Variants in DDI2 observed in about 807,000 individuals in gnomAD.
DDI2 encodes protein DDI1 homolog 2.
A neutral mutation model predicts 48.1 loss-of-function variants in DDI2; 5 were observed. The observed-to-expected ratio is 0.10, with a 90% confidence interval of 0.05 to 0.22. DDI2 has a LOEUF of 0.22. Among genes scored for constraint, DDI2 ranks in the 10% least tolerant of loss-of-function variants. DDI2 has a pLI of 1.00. For missense variants in DDI2, 285 were observed against 506.2 expected, an observed-to-expected ratio of 0.56 and a Z score of 4.19; for synonymous variants, 205 against 183.6, an observed-to-expected ratio of 1.12 and a Z score of -0.94.
chr1:15,627,224 G>A (rs1208978034), intron 2 of DDI2, among the ~76,000 whole-genome samples: 2 of 152,190 alleles, frequency 1.3e-5, no homozygotes, highest in African/African-American at 4.8e-5. Flanking sequence ...GGCACTTGGA[G>A]CTGCATTTCA....
chr1:15,652,822 CA>C (rs112813737), intron 8 of DDI2, among the ~76,000 whole-genome samples: 47,893 of 148,538 alleles, frequency 0.32, 8,558 homozygotes, highest in African/African-American at 0.46. Flanking sequence ...GACTCCATCT[CA>C]AAAAAAAATA....
At chr1:15,656,460 A>C (rs1640275040) in intron 8 of DDI2, 157 bp from the exon 9 acceptor site, 1 of 1,521,316 alleles carries the variant, frequency 6.6e-7, no homozygotes. Context: ...GCAACCAACA[A>C]ATATTTTGGA....
At chr1:15,638,809 T>A (rs1203568404) in intron 5 of DDI2, among the ~76,000 whole-genome samples, 2 of 152,156 alleles carry the variant, frequency 1.3e-5, no homozygotes, top group African/African-American at 4.8e-5. Flanking sequence ...TGTAGTTCTT[T>A]AGGCTGCTAA....
In DDI2 at chr1:15,665,303, G is replaced by A. The variant is rs1323171613; in HGVS notation, c.*5513G>A. 1.3e-5 allele frequency: 2 copies of A among 151,726 alleles called. No individual in the cohort carries two copies. The highest frequency in any genetic ancestry group is 4.9e-5 in the African/African-American group (2 of 40,874). 9.4% of individuals were successfully genotyped at this position (151,726 alleles called of 1,614,324 possible). A position where few individuals can be genotyped will look rare whatever the true frequency, so the allele number is the denominator to read the frequency against. ...AAAGGTAACCAGTTGCTTGGCAAAGGAAGCTGGAGAGATGGCGAGTGCATG... is the reference window on the plus strand; with the variant it reads ...AAAGGTAACCAGTTGCTTGGCAAAGAAAGCTGGAGAGATGGCGAGTGCATG... On this transcript the variant is annotated 3_prime_UTR_variant, in exon 10 of 10. Coordinates refer to ENST00000480945, the MANE Select transcript of DDI2 (RefSeq NM_032341.5).
intron 3 of DDI2, among the ~76,000 whole-genome samples, chr1:15,631,729 A>C (rs1220099750): frequency 5.9e-5 from 9 of 151,870 alleles, no homozygotes; most frequent in Admixed American, 5.9e-4. Context: ...TGTTTTGATA[A>C]TCTTATGGTT....
chr1:15,624,125 A>G (rs1639715472), intron 1 of DDI2, among the ~76,000 whole-genome samples: 1 of 152,228 alleles, frequency 6.6e-6, no homozygotes, highest in South Asian at 2.1e-4. Flanking sequence ...ATCTCTAAAT[A>G]TACTGATAGT....
chr1:15,633,091 A>G (rs1308773555), intron 3 of DDI2, among the ~76,000 whole-genome samples: 1 of 151,520 alleles, frequency 6.6e-6, no homozygotes, highest in Non-Finnish European at 1.5e-5. Flanking sequence ...ACCACGCCCA[A>G]CTAATTTTTA....
At chr1:15,619,508 C>T (rs1018340573) in intron 1 of DDI2, among the ~76,000 whole-genome samples, 7 of 150,126 alleles carry the variant, frequency 4.7e-5, no homozygotes, top group African/African-American at 1.7e-4. Flanking sequence ...GTCGCCTAGG[C>T]TGGAGTGCAG....
At position 15,656,653 on chromosome 1, in the gene DDI2, C is replaced by G; in HGVS notation, c.*20C>G. The G allele has an allele frequency of 6.2e-7, 1 of 1,614,158 alleles. No individual in the cohort carries two copies. Among genetic ancestry groups the G allele is most frequent in the Non-Finnish European group, 8.5e-7 (1 of 1,180,010 alleles). ...CCATGATGCATGTAGTGTGTGTGTA[C>G]TGCAGCTGGAGTGGGCCCCAGACCA... On this transcript the variant is annotated 3_prime_UTR_variant, in exon 9 of 10. Transcript: ENST00000480945.
chr1:15,622,131 T>C (rs974600392), intron 1 of DDI2, among the ~76,000 whole-genome samples: 3 of 151,966 alleles, frequency 2.0e-5, no homozygotes, highest in African/African-American at 7.3e-5. Flanking sequence ...TGGAATGCAG[T>C]GTTGCAATCA....
rs1361576378 is a variant in DDI2 at position 15,661,232 on chromosome 1, C to T, written c.*1442C>T. ...AGGAGTCTAGGTGATGGCCTGTCAA[C>T]CGATAAGGAAGGTGTCCCCAAATCT... On this transcript the variant is annotated 3_prime_UTR_variant, in exon 10 of 10. Coordinates refer to ENST00000480945, the MANE Select transcript of DDI2 (RefSeq NM_032341.5). The T allele has an allele frequency of 1.2e-6, 2 of 1,614,104 alleles. No individual in the cohort carries two copies. Among genetic ancestry groups the T allele is most frequent in the Admixed American group, 3.3e-5 (2 of 60,014 alleles).
At chr1:15,657,548 C>T (rs895549090) in intron 9 of DDI2, among the ~76,000 whole-genome samples, 24 of 152,204 alleles carry the variant, frequency 1.6e-4, no homozygotes, top group Admixed American at 1.4e-3. Context: ...GCTAGTGAAA[C>T]TGACCTTCTC....
At chr1:15,630,230 T>C in intron 2 of DDI2, 95 bp from the exon 3 acceptor site, 1 of 1,120,082 alleles carries the variant, frequency 8.9e-7, no homozygotes, top group Non-Finnish European at 1.3e-6. Flanking sequence ...TTTGCTGCTG[T>C]CATATACCAT....
Position 15,661,372 on chromosome 1 carries a change from G to A in DDI2, c.*1582G>A. The stretch of plus-strand genomic sequence containing the variant: ...ACCCAAACTTTTAGCAGGTGAGGAG[G>A]ATGCACTCAATCAGACTTCTGAGCA... On this transcript the variant is annotated 3_prime_UTR_variant, in exon 10 of 10. Transcript: ENST00000480945. 6.2e-7 allele frequency: 1 copy of A among 1,614,166 alleles called. No individual in the cohort carries two copies. Among genetic ancestry groups the A allele is most frequent in the South Asian group, 1.1e-5 (1 of 91,076 alleles).
At chr1:15,633,675 C>A in intron 4 of DDI2, 110 bp downstream of exon 4, 1 of 1,515,360 alleles carries the variant, frequency 6.6e-7, no homozygotes, top group Non-Finnish European at 9.0e-7. Context: ...CTCTGTTTTG[C>A]AGTTGAGATA....
rs1487170639 is a variant in DDI2, at chr1:15,651,807, A to T, written c.1095A>T (p.Ala365=). Residue 365 remains alanine (A), a synonymous_variant, in exon 8 of 10, where the codon GCA becomes GCT. Coordinates refer to ENST00000480945, the MANE Select transcript of DDI2 (RefSeq NM_032341.5). ...EGELPECARL[A]YGAGREDVRP... ...AGCTACCAGAGTGTGCCCGGTTGGC[A>T]TATGGGGCTGGAAGAGAGGATGTAC... 6.2e-7 allele frequency: 1 copy of T among 1,614,082 alleles called. No homozygotes were observed. The highest frequency in any genetic ancestry group is 1.3e-5 in the African/African-American group (1 of 75,036).
intron 6 of DDI2, among the ~76,000 whole-genome samples, chr1:15,648,270 A>G (rs1187451453): frequency 6.6e-6 from 1 of 152,206 alleles, no homozygotes; most frequent in Non-Finnish European, 1.5e-5. Flanking sequence ...AGGAGACAAA[A>G]TAAGTACCAA....
Position 15,667,825 on chromosome 1 carries a change from T to G in DDI2, c.*8035T>G, listed in dbSNP as rs1381831742. The G allele has an allele frequency of 2.0e-5, 3 of 152,234 alleles. No individual in the cohort carries two copies. Among genetic ancestry groups the G allele is most frequent in the Non-Finnish European group, 2.9e-5 (2 of 68,046 alleles). 9.4% of individuals were successfully genotyped at this position (152,234 alleles called of 1,614,324 possible). A position where few individuals can be genotyped will look rare whatever the true frequency, so the allele number is the denominator to read the frequency against. Reference sequence around the variant, plus strand: ...CAAAGGTTTATCAGTTATGTATTGATGATTGGTAATCTAGACCCTCTGGAG... The same window carrying G: ...CAAAGGTTTATCAGTTATGTATTGAGGATTGGTAATCTAGACCCTCTGGAG... On this transcript the variant is annotated 3_prime_UTR_variant, in exon 10 of 10. Coordinates refer to ENST00000480945, the MANE Select transcript of DDI2 (RefSeq NM_032341.5).
chr1:15,651,685 C>A, intron 7 of DDI2, 21 bp from the exon 8 acceptor site: 2 of 1,582,328 alleles, frequency 1.3e-6, no homozygotes, highest in South Asian at 2.3e-5. Flanking sequence ...TGCTATTATT[C>A]TTTGGTTTCT....
Sources: allele counts gnomAD v4.1 joint callset (sites outside exome capture counted in the v4.1 genomes callset), GRCh38; gene constraint gnomAD v4.1.1; transcripts MANE v1.5; gene names NCBI Gene and HGNC (gene_info 2026-07-23, HGNC 2026-07-21).